The following SAMTOR variants were observed in gnomAD, a reference collection of about 807,000 sequenced individuals.
SAMTOR encodes UPF0532 protein C7orf60.
At chr7:112,853,484 CTACA>C in the SAMTOR span, among the ~76,000 whole-genome samples, 3 of 151,930 alleles carry the variant, frequency 2.0e-5, no homozygotes, top group Non-Finnish European at 4.4e-5. Flanking sequence ...TTTTTATTTC[CTACA>C]TAATTTTGTT....
At chr7:112,823,999 T>TA in the SAMTOR span, among the ~76,000 whole-genome samples, 1 of 152,356 alleles carries the variant, frequency 6.6e-6, no homozygotes, top group South Asian at 2.1e-4. Flanking sequence ...TTTGCCCATT[T>TA]AAAAATAATT....
the SAMTOR span, chr7:112,915,364 C>T: frequency 6.2e-7 from 1 of 1,613,236 alleles, no homozygotes; most frequent in Admixed American, 1.7e-5. Context: ...TGATTATCTG[C>T]CAAATTTTTC....
chr7:112,912,253 T>C, the SAMTOR span, among the ~76,000 whole-genome samples: 1 of 151,940 alleles, frequency 6.6e-6, no homozygotes, highest in South Asian at 2.1e-4. Context: ...GTTCAGGAAA[T>C]AGTGTGTTTA....
the SAMTOR span, among the ~76,000 whole-genome samples, chr7:112,897,915 A>T: frequency 6.6e-6 from 1 of 152,192 alleles, no homozygotes; most frequent in Non-Finnish European, 1.5e-5. Context: ...GATGATAGGA[A>T]CTCCATAGAC....
At chr7:112,886,222 T>C in the SAMTOR span, among the ~76,000 whole-genome samples, 2 of 152,082 alleles carry the variant, frequency 1.3e-5, no homozygotes, top group African/African-American at 4.8e-5. Context: ...AAGATGACAT[T>C]TGGGTGAGGA....
chr7:112,926,037 C>T, the SAMTOR span, among the ~76,000 whole-genome samples: 4 of 152,120 alleles, frequency 2.6e-5, no homozygotes, highest in Non-Finnish European at 2.9e-5. Flanking sequence ...GTTCTTATCC[C>T]CATTAACTGA....
At chr7:112,883,232 A>G in the SAMTOR span, among the ~76,000 whole-genome samples, 2 of 152,082 alleles carry the variant, frequency 1.3e-5, no homozygotes, top group African/African-American at 2.4e-5. Context: ...TTTCCAGTTA[A>G]CAATCTCAAG....
At chr7:112,894,370 C>T in the SAMTOR span, among the ~76,000 whole-genome samples, 6 of 152,092 alleles carry the variant, frequency 3.9e-5, no homozygotes, top group Non-Finnish European at 8.8e-5. Context: ...GATCACTGAT[C>T]ACAGATCACC....
chr7:112,826,304 C>T, the SAMTOR span, among the ~76,000 whole-genome samples: 2 of 152,002 alleles, frequency 1.3e-5, no homozygotes, highest in East Asian at 1.9e-4. Context: ...CTGGAATTTT[C>T]TTTGTGGGAA....
chr7:112,894,930 G>A, the SAMTOR span, among the ~76,000 whole-genome samples: 18 of 152,046 alleles, frequency 1.2e-4, no homozygotes, highest in Middle Eastern at 3.2e-3. Flanking sequence ...TAAAGCAAGC[G>A]CAATAAATAA....
At chr7:112,915,220 G>C in the SAMTOR span, 1 of 1,361,054 alleles carries the variant, frequency 7.3e-7, no homozygotes, top group Non-Finnish European at 1.0e-6. Flanking sequence ...CTGGGTGACA[G>C]AGCAAGACTC....
chr7:112,917,114 G>C, the SAMTOR span, among the ~76,000 whole-genome samples: 1 of 152,334 alleles, frequency 6.6e-6, no homozygotes, highest in South Asian at 2.1e-4. Flanking sequence ...CTCCCAGCAC[G>C]CAGCTGGAGA....
chr7:112,864,070 TA>T, the SAMTOR span, among the ~76,000 whole-genome samples: 12 of 152,206 alleles, frequency 7.9e-5, no homozygotes, highest in South Asian at 4.1e-4. Context: ...TATGCAGCTA[TA>T]AAAAAATGAG....
the SAMTOR span, among the ~76,000 whole-genome samples, chr7:112,860,026 G>A: frequency 6.6e-6 from 1 of 152,036 alleles, no homozygotes; most frequent in African/African-American, 2.4e-5. Context: ...TTCCATTCGT[G>A]GTAAGTGCAC....
chr7:112,935,075 CT>C, the SAMTOR span: 1 of 254,162 alleles, frequency 3.9e-6, no homozygotes, highest in Non-Finnish European at 7.8e-6. Context: ...CTGTGACAAC[CT>C]TCACCTTATT....
At chr7:112,893,772 C>T in the SAMTOR span, among the ~76,000 whole-genome samples, 3 of 152,188 alleles carry the variant, frequency 2.0e-5, no homozygotes, top group Non-Finnish European at 4.4e-5. Flanking sequence ...CACAGTGGCA[C>T]GCACCTGTAG....
chr7:112,845,908 C>T, the SAMTOR span, among the ~76,000 whole-genome samples: 1 of 152,104 alleles, frequency 6.6e-6, no homozygotes, highest in African/African-American at 2.4e-5. Flanking sequence ...AATATAATGT[C>T]CATTGCAGGA....
chr7:112,830,212 C>A, the SAMTOR span, among the ~76,000 whole-genome samples: 1 of 152,240 alleles, frequency 6.6e-6, no homozygotes, highest in Non-Finnish European at 1.5e-5. Context: ...CATTTGTTTT[C>A]CATCTCTCAG....
chr7:112,880,538 CTT>C, the SAMTOR span, among the ~76,000 whole-genome samples: 5 of 151,932 alleles, frequency 3.3e-5, no homozygotes, highest in South Asian at 2.1e-4. Context: ...AGGAGGGAAA[CTT>C]AATTTTGAAA....
Sources: gnomAD v4.1 joint callset for allele counts (sites outside exome capture counted in the v4.1 genomes callset) on GRCh38, gnomAD v4.1.1 for gene constraint, MANE v1.5 for transcripts, NCBI Gene and HGNC (gene_info 2026-07-23, HGNC 2026-07-21) for gene names.